Variants in CTNND2 observed in about 807,000 individuals in gnomAD.
The protein encoded by CTNND2 is catenin delta-2.
CTNND2 carries 22 observed loss-of-function variants against 144.4 expected under a neutral mutation model. The observed-to-expected ratio is 0.15, with a 90% CI of 0.11 to 0.22. The LOEUF (loss-of-function observed/expected upper bound fraction) is 0.22, where lower values mean the gene tolerates loss of function less well. Among genes scored for constraint, CTNND2 ranks in the 10% least tolerant of loss-of-function variants. CTNND2 has a pLI of 1.00. For synonymous variants in CTNND2, 751 were observed against 695.6 expected (o/e 1.08, Z -1.25); for missense variants, 1,353 against 1,618.8 (o/e 0.84, Z 2.82).
At chr5:11,039,565 A>C (rs769870411) in intron 16 of CTNND2, among the ~76,000 whole-genome samples, 4 of 152,182 alleles carry the variant, frequency 2.6e-5, no homozygotes, top group Non-Finnish European at 5.9e-5. Flanking sequence ...GATTTTTTTA[A>C]AAAATGAATC....
chr5:11,284,221 C>T (rs145979255), intron 9 of CTNND2, among the ~76,000 whole-genome samples: 109 of 152,290 alleles, frequency 7.2e-4, no homozygotes, highest in African/African-American at 2.5e-3. Flanking sequence ...CAGTACCGGG[C>T]TCCTGTTGTG....
At chr5:11,321,241 A>G (rs1305922853) in intron 9 of CTNND2, among the ~76,000 whole-genome samples, 3 of 152,234 alleles carry the variant, frequency 2.0e-5, no homozygotes, top group Non-Finnish European at 2.9e-5. Context: ...TGTGTGTTGC[A>G]ACATTAAAAA....
At chr5:11,798,403 C>T (rs1331724828) in intron 1 of CTNND2, among the ~76,000 whole-genome samples, 1 of 152,048 alleles carries the variant, frequency 6.6e-6, no homozygotes, top group African/African-American at 2.4e-5. Flanking sequence ...TTCTGGTAAC[C>T]ACTGATTATG....
chr5:11,849,024 T>C (rs1581999043), intron 1 of CTNND2, among the ~76,000 whole-genome samples: 1 of 152,046 alleles, frequency 6.6e-6, no homozygotes, highest in East Asian at 1.9e-4. Context: ...TAATAGACAG[T>C]GTATTGGTCC....
At chr5:11,725,731 C>T (rs1477230217) in intron 2 of CTNND2, among the ~76,000 whole-genome samples, 1 of 152,106 alleles carries the variant, frequency 6.6e-6, no homozygotes, top group Admixed American at 6.5e-5. Flanking sequence ...AAATGTTTCA[C>T]ATGTACATTT....
At chr5:11,813,047 A>C (rs1395200598) in intron 1 of CTNND2, among the ~76,000 whole-genome samples, 2 of 152,226 alleles carry the variant, frequency 1.3e-5, no homozygotes, top group Admixed American at 1.3e-4. Context: ...CATGCACTGC[A>C]TAAGGACATT....
intron 3 of CTNND2, among the ~76,000 whole-genome samples, chr5:11,476,531 A>C (rs1367208826): frequency 6.6e-6 from 1 of 152,154 alleles, no homozygotes; most frequent in Non-Finnish European, 1.5e-5. Context: ...TATCACCTTT[A>C]CATATAAAAA....
intron 2 of CTNND2, among the ~76,000 whole-genome samples, chr5:11,721,089 TAAATG>T (rs1250910276): frequency 6.6e-6 from 1 of 152,164 alleles, no homozygotes; most frequent in East Asian, 1.9e-4. Context: ...AATGACTGCA[TAAATG>T]AAATGAGGTG....
intron 3 of CTNND2, among the ~76,000 whole-genome samples, chr5:11,469,169 T>A (rs1766931624): frequency 6.6e-6 from 1 of 152,238 alleles, no homozygotes; most frequent in Admixed American, 6.5e-5. Context: ...AGGGATGCCA[T>A]GCCAGCTTCC....
intron 15 of CTNND2, among the ~76,000 whole-genome samples, chr5:11,087,856 T>C (rs1750342910): frequency 6.6e-6 from 1 of 152,212 alleles, no homozygotes; most frequent in African/African-American, 2.4e-5. Flanking sequence ...AAAATATTAA[T>C]GTACAGGCAA....
At chr5:11,156,223 G>A (rs905737122) in intron 12 of CTNND2, among the ~76,000 whole-genome samples, 2 of 152,162 alleles carry the variant, frequency 1.3e-5, no homozygotes, top group Admixed American at 1.3e-4. Context: ...TCTCTAATAA[G>A]CTTTTGGACA....
chr5:10,976,288 T>C (rs1281715093), intron 21 of CTNND2, among the ~76,000 whole-genome samples: 1 of 151,864 alleles, frequency 6.6e-6, no homozygotes, highest in Non-Finnish European at 1.5e-5. Context: ...TTTTAAACTT[T>C]AAGGGAATAT....
At chr5:11,700,616 C>A (rs1785389673) in intron 2 of CTNND2, among the ~76,000 whole-genome samples, 1 of 152,130 alleles carries the variant, frequency 6.6e-6, no homozygotes, top group Admixed American at 6.5e-5. Flanking sequence ...CATTCTCTGT[C>A]ATCCTCTTGG....
intron 16 of CTNND2, among the ~76,000 whole-genome samples, chr5:11,064,501 G>T (rs1246323825): frequency 6.6e-6 from 1 of 152,000 alleles, no homozygotes; most frequent in Non-Finnish European, 1.5e-5. Flanking sequence ...GTCTGCAGAA[G>T]ATGTGCCTTC....
chr5:11,041,635 T>C (rs1280956124), intron 16 of CTNND2, among the ~76,000 whole-genome samples: 1 of 152,154 alleles, frequency 6.6e-6, no homozygotes, highest in Non-Finnish European at 1.5e-5. Context: ...TTTATCCTTC[T>C]ATCATATAAA....
chr5:11,745,134 CATT>C (rs1281965344), intron 1 of CTNND2, among the ~76,000 whole-genome samples: 1 of 151,938 alleles, frequency 6.6e-6, no homozygotes, highest in African/African-American at 2.4e-5. Context: ...ACTATATTAT[CATT>C]GTTTTTTAAA....
chr5:11,810,010 A>G (rs1340759880), intron 1 of CTNND2, among the ~76,000 whole-genome samples: 5 of 152,210 alleles, frequency 3.3e-5, no homozygotes, highest in Admixed American at 6.6e-5. Flanking sequence ...GAACCTGACA[A>G]TACCTTACTT....
chr5:11,813,992 G>T (rs947516127), intron 1 of CTNND2, among the ~76,000 whole-genome samples: 3 of 152,174 alleles, frequency 2.0e-5, no homozygotes, highest in African/African-American at 7.2e-5. Flanking sequence ...CAACTACCAT[G>T]AAATTACTAA....
chr5:11,757,359 C>T (rs948301673), intron 1 of CTNND2, among the ~76,000 whole-genome samples: 2 of 151,770 alleles, frequency 1.3e-5, no homozygotes, highest in African/African-American at 4.8e-5. Flanking sequence ...TAGTTCTCTC[C>T]TCTACAAATA....
Sources: allele counts gnomAD v4.1 joint callset (sites outside exome capture counted in the v4.1 genomes callset), GRCh38; gene constraint gnomAD v4.1.1; transcripts MANE v1.5; gene names NCBI Gene and HGNC (gene_info 2026-07-23, HGNC 2026-07-21).